Variants in EIF3A observed in about 807,000 individuals in gnomAD.
EIF3A encodes the protein EIF3, p180 subunit.
In EIF3A, 21 loss-of-function variants were observed where a neutral mutation model predicts 186.6. That is an observed-to-expected ratio of 0.11 (90% CI 0.08 to 0.16). The LOEUF (loss-of-function observed/expected upper bound fraction) is 0.16, where lower values mean the gene tolerates loss of function less well. EIF3A is among the 10% of genes least tolerant of loss of function. The probability of loss-of-function intolerance (pLI) is 1.00; values close to 1 mark genes in which losing one functional copy is unlikely to be tolerated. For synonymous variants in EIF3A, 563 were observed against 584.3 expected, an observed-to-expected ratio of 0.96 and a Z score of 0.52; for missense variants, 1,306 against 1,796.3, an observed-to-expected ratio of 0.73 and a Z score of 4.93.
intron 4 of EIF3A, among the ~76,000 whole-genome samples, chr10:119,071,637 T>C (rs1844072803): frequency 6.6e-6 from 1 of 152,206 alleles, no homozygotes; most frequent in East Asian, 1.9e-4. Context: ...AAAATAGTTA[T>C]GTCTATTTTA....
rs566547483 is a variant in EIF3A at position 119,075,506 on chromosome 10, A to G, written c.50-1569T>C. On this transcript the variant is annotated intron_variant, in intron 1 of 21. Coordinates refer to ENST00000369144, the MANE Select transcript of EIF3A (RefSeq NM_003750.4). ...GAAAGAGGTTATTTAACCTAAGTCA[A>G]CTGGTTAAATTCATCTTAACATTCA... Among the ~76,000 whole-genome samples, 280 of 151,076 alleles carry G rather than the reference A, an allele frequency of 1.9e-3. 7 individuals carry two copies. The South Asian group carries it at 0.026, about 14-fold the overall frequency.
At position 119,038,451 on chromosome 10, in the gene EIF3A, A is replaced by C. The variant is rs752679647; in HGVS notation, c.3527-12T>G. 6.3e-7 allele frequency: 1 copy of C among 1,586,780 alleles called. No individual in the cohort carries two copies. Among genetic ancestry groups the C allele is most frequent in the African/African-American group, 1.4e-5 (1 of 73,190 alleles). On this transcript the variant is annotated splice_polypyrimidine_tract_variant and intron_variant, in intron 19 of 21. Transcript: ENST00000369144. Reference sequence around the variant, plus strand: ...CTCTCTCCATCCACCTGTTTTTTTGAAAAAGCAAAACATTTTTAAAATATT... The same window carrying C: ...CTCTCTCCATCCACCTGTTTTTTTGCAAAAGCAAAACATTTTTAAAATATT...
Position 119,041,997 on chromosome 10 carries a change from G to A in EIF3A, c.3523C>T (p.Pro1175Ser). The A allele has an allele frequency of 1.2e-6, 2 of 1,613,582 alleles. No homozygotes were observed. The highest frequency in any genetic ancestry group is 8.5e-7 in the Non-Finnish European group (1 of 1,179,612). Residue 1175 changes from proline to serine, a missense_variant, in exon 19 of 22, where the codon CCA becomes TCA. Physicochemically the swap from Pro to Ser is moderately conservative, Grantham distance 74. Around this residue, in one of 8 missense-constraint regions of EIF3A, gnomAD observed 331 missense variants for 365.8 expected, o/e 0.90. Transcript: ENST00000369144. The stretch of plus-strand genomic sequence containing the variant: ...ATTCTAGGAAATAGAATTTTACCTG[G>A]CTTGACTAATGGTCTCCAAGGACCA... ...RPGPWRPLVK[P>S]GGWREKEKAR...
chr10:119,050,789 C>T, intron 15 of EIF3A, 115 bp from the exon 16 acceptor site: 2 of 1,137,290 alleles, frequency 1.8e-6, no homozygotes, highest in Non-Finnish European at 1.3e-6. Context: ...TCATCGAAAG[C>T]AACCTCTCAG....
intron 1 of EIF3A, among the ~76,000 whole-genome samples, chr10:119,076,304 G>A (rs1844172198): frequency 8.1e-6 from 1 of 123,396 alleles, no homozygotes; most frequent in African/African-American, 3.1e-5. Flanking sequence ...CTGTACTCCA[G>A]CCTGGGCAAC....
At chr10:119,080,573 C>A in intron 1 of EIF3A, 55 bp downstream of exon 1, 1 of 1,538,356 alleles carries the variant, frequency 6.5e-7, no homozygotes, top group Admixed American at 2.0e-5. Context: ...CCCGCGCTCT[C>A]GACCTCGGAG....
chr10:119,052,932 T>C (rs1446178016), intron 14 of EIF3A, among the ~76,000 whole-genome samples: 1 of 152,200 alleles, frequency 6.6e-6, no homozygotes, highest in African/African-American at 2.4e-5. Flanking sequence ...GTTTATGAAA[T>C]ATATTTCTTA....
Position 119,065,518 on chromosome 10 carries a change from G to A in EIF3A, c.1003C>T (p.Arg335Cys), listed in dbSNP as rs1843958307. 5.6e-6 allele frequency: 9 copies of A among 1,612,850 alleles called. No individual in the cohort carries two copies. The highest frequency in any genetic ancestry group is 7.6e-6 in the Non-Finnish European group (9 of 1,178,920). Residue 335 changes from arginine (R) to cysteine (C), a missense_variant, in exon 7 of 22, where the codon CGT (arginine) becomes TGT (cysteine). This residue lies in a region of EIF3A where 267 missense variants were observed against 367.8 expected (regional missense o/e 0.73). Coordinates refer to ENST00000369144, the MANE Select transcript of EIF3A (RefSeq NM_003750.4). ...TCCAGAAGTCGAGCAATATCCGTAC[G>A]CTCAGGAGTAATAGGGATGGAAAGA... is the stretch of plus-strand genomic sequence containing the variant. ...ATLSIPITPE[R>C]TDIARLLDMD...
rs1183597484 is a variant in EIF3A at position 119,080,806 on chromosome 10, G to C, written c.-130C>G. The C allele has an allele frequency of 1.4e-6, 2 of 1,424,720 alleles. No individual in the cohort carries two copies. The highest frequency in any genetic ancestry group is 1.8e-6 in the Non-Finnish European group (2 of 1,087,362). The allele number at this position is 1,424,720 out of a possible 1,614,324, so 88.3% of individuals were successfully genotyped here. On this transcript the variant is annotated 5_prime_UTR_variant, in exon 1 of 22. Transcript: ENST00000369144. ...GCAGTCGCCCGCGCCCAGCCGGCCA[G>C]AGACGGAAAGGAAGGAGCCACGTGA... is the stretch of plus-strand genomic sequence containing the variant.
Position 119,069,396 on chromosome 10 carries a change from G to C in EIF3A, c.950+50C>G. On this transcript the variant is annotated intron_variant, in intron 6 of 21. Coordinates refer to ENST00000369144, the MANE Select transcript of EIF3A (RefSeq NM_003750.4). ...CTAAAATATACCATGTCATATAATA[G>C]ACGATATTTGTTACAGAATTTCAAC... 4 of 919,114 alleles carry C rather than the reference G, an allele frequency of 4.4e-6. No individual in the cohort carries two copies. The East Asian group carries it at 1.0e-4, about 23-fold the overall frequency. The allele number at this position is 919,114 out of a possible 1,614,324, so 56.9% of individuals were successfully genotyped here. A position where few individuals can be genotyped will look rare whatever the true frequency, so the allele number is the denominator to read the frequency against.
intron 5 of EIF3A, among the ~76,000 whole-genome samples, chr10:119,069,892 A>G (rs1381433473): frequency 6.6e-6 from 1 of 151,798 alleles, no homozygotes; most frequent in African/African-American, 2.4e-5. Flanking sequence ...GAGCAGACTC[A>G]AGAAAATATT....
At chr10:119,057,482 T>A (rs1411988705) in intron 12 of EIF3A, among the ~76,000 whole-genome samples, 1 of 152,142 alleles carries the variant, frequency 6.6e-6, no homozygotes, top group African/African-American at 2.4e-5. Flanking sequence ...GTATAAGGTG[T>A]CTATGAAACA....
chr10:119,051,377 C>T (rs1325408072), intron 14 of EIF3A, 56 bp from the exon 15 acceptor site: 1 of 1,482,810 alleles, frequency 6.7e-7, no homozygotes, highest in Non-Finnish European at 9.0e-7. Flanking sequence ...CTCATTAACC[C>T]CAAATTACTG....
intron 7 of EIF3A, among the ~76,000 whole-genome samples, chr10:119,065,080 A>G (rs202144993): frequency 5.5e-5 from 6 of 108,712 alleles, no homozygotes; most frequent in Non-Finnish European, 1.3e-4. Flanking sequence ...ACACAGCTTA[A>G]TTAGTTTTCC....
chr10:119,079,724 G>A (rs1326756058), intron 1 of EIF3A, among the ~76,000 whole-genome samples: 1 of 152,080 alleles, frequency 6.6e-6, no homozygotes, highest in Non-Finnish European at 1.5e-5. Context: ...AATGGCTGAA[G>A]TACACATATA....
At chr10:119,080,386 G>A in intron 1 of EIF3A, 1 of 985,458 alleles carries the variant, frequency 1.0e-6, no homozygotes, top group South Asian at 4.7e-5. Flanking sequence ...GCACCCGGAG[G>A]CGGCAGGGGG....
chr10:119,040,671 G>C (rs570439004), intron 19 of EIF3A, among the ~76,000 whole-genome samples: 5 of 152,086 alleles, frequency 3.3e-5, no homozygotes, highest in Admixed American at 2.6e-4. Flanking sequence ...AGGAGTTCGA[G>C]AGCAGCCTGG....
At chr10:119,036,314 C>G (rs1848129886) in intron 21 of EIF3A, 46 bp from the exon 22 acceptor site, 1 of 1,299,830 alleles carries the variant, frequency 7.7e-7, no homozygotes, top group Non-Finnish European at 1.1e-6. Flanking sequence ...GTACTATATT[C>G]TATTGGCTCA....
intron 17 of EIF3A, among the ~76,000 whole-genome samples, chr10:119,047,496 G>C (rs188472190): frequency 6.6e-6 from 1 of 152,248 alleles, no homozygotes; most frequent in East Asian, 1.9e-4. Flanking sequence ...ACAGAAACAA[G>C]AGGCTGAAAA....
Sources: gnomAD v4.1 joint callset for allele counts (sites outside exome capture counted in the v4.1 genomes callset) on GRCh38, gnomAD v4.1.1 for gene constraint, gnomAD v4.1.1 regional missense constraint, MANE v1.5 for transcripts, NCBI Gene and HGNC (gene_info 2026-07-23, HGNC 2026-07-21) for gene names.